CALN1: variants seen among roughly 807,000 people sequenced by gnomAD.
The protein encoded by CALN1 is calneuron 1, also known as calcium-binding protein 8.
Under a neutral mutation model 30.6 loss-of-function variants are expected in CALN1, and 17 were observed. That is an observed-to-expected ratio of 0.56 (90% CI 0.38 to 0.83). The LOEUF (loss-of-function observed/expected upper bound fraction) is 0.83, where lower values mean the gene tolerates loss of function less well. CALN1 is among the 40% of genes least tolerant of loss of function. The pLI, the probability that CALN1 is intolerant of heterozygous loss-of-function variation, is 0.00. For missense variants in CALN1, 291 were observed against 354.9 expected, an observed-to-expected ratio of 0.82 and a Z score of 1.45; for synonymous variants, 156 against 131.4, an observed-to-expected ratio of 1.19 and a Z score of -1.28.
chr7:72,045,229 G>A (rs1188360661), intron 4 of CALN1, among the ~76,000 whole-genome samples: 1 of 152,198 alleles, frequency 6.6e-6, no homozygotes, highest in Non-Finnish European at 1.5e-5. Context: ...CACCTGCCAG[G>A]AAAGGGTAGG....
chr7:72,411,466 T>C (rs1807142017), intron 1 of CALN1, among the ~76,000 whole-genome samples: 2 of 152,228 alleles, frequency 1.3e-5, no homozygotes, highest in Non-Finnish European at 2.9e-5. Context: ...TGAAATCTAG[T>C]TTGAATAAAA....
intron 4 of CALN1, among the ~76,000 whole-genome samples, chr7:72,048,038 C>CTT (rs35051822): frequency 0.017 from 2,304 of 137,154 alleles, 47 homozygotes; most frequent in African/African-American, 0.046. Flanking sequence ...TCTTCTTCTT[C>CTT]TTCTTTTTTT....
At chr7:71,894,837 G>T (rs1367690265) in intron 5 of CALN1, among the ~76,000 whole-genome samples, 1 of 152,118 alleles carries the variant, frequency 6.6e-6, no homozygotes, top group African/African-American at 2.4e-5. Context: ...TCTTATTAAG[G>T]TTATTCCTGT....
intron 5 of CALN1, among the ~76,000 whole-genome samples, chr7:71,841,661 C>G (rs1434660570): frequency 6.6e-6 from 1 of 152,204 alleles, no homozygotes; most frequent in Non-Finnish European, 1.5e-5. Flanking sequence ...CTGTGGAATA[C>G]TATGCAGCCA....
chr7:72,018,833 TTTTA>T (rs140236224), intron 5 of CALN1, among the ~76,000 whole-genome samples: 21,567 of 151,556 alleles, frequency 0.14, 2,408 homozygotes, highest in East Asian at 0.33. Context: ...AAAAAAATTA[TTTTA>T]TTTATTTATT....
At chr7:71,923,179 G>C (rs796358357) in intron 5 of CALN1, among the ~76,000 whole-genome samples, 39 of 152,100 alleles carry the variant, frequency 2.6e-4, no homozygotes, top group African/African-American at 8.9e-4. Flanking sequence ...GCTTCAAAGT[G>C]GACTTTACAC....
chr7:72,249,354 C>T (rs1355160753), intron 3 of CALN1, among the ~76,000 whole-genome samples: 3 of 152,186 alleles, frequency 2.0e-5, no homozygotes, highest in African/African-American at 7.2e-5. Context: ...GCCAGGCAAG[C>T]ATTTCCACTC....
rs2129536593 is a variant in CALN1 at position 72,056,378 on chromosome 7, C to T, written c.389-32609G>A. Among the ~76,000 whole-genome samples the T allele has an allele frequency of 1.3e-5, 2 of 151,640 alleles. 1 individual carries two copies. Among genetic ancestry groups the T allele is most frequent in the South Asian group, 4.2e-4 (2 of 4,786 alleles). On this transcript the variant is annotated intron_variant, in intron 4 of 6. Transcript: ENST00000395275. ...TAAGTAGGAGATAAACAAAACAGGG[C>T]AATTCAGAAATAAGCCCTAGTAAAT...
In CALN1 at chr7:72,124,168, C is replaced by T. The variant is rs149642193; in HGVS notation, c.245-17874G>A. Among the ~76,000 whole-genome samples the T allele has an allele frequency of 9.2e-5, 14 of 152,182 alleles. No homozygotes were observed. In the East Asian group the frequency reaches 2.1e-3, roughly 23 times the overall value. Reference sequence around the variant, plus strand: ...GCTCAGAGTCCAGGAGGAAGCTGAGCGGCTCATGTCCGTGTGGATTTGGGG... The same window carrying T: ...GCTCAGAGTCCAGGAGGAAGCTGAGTGGCTCATGTCCGTGTGGATTTGGGG... On this transcript the variant is annotated intron_variant, in intron 3 of 6. Coordinates refer to ENST00000395275, the MANE Select transcript of CALN1 (RefSeq NM_031468.4).
intron 2 of CALN1, among the ~76,000 whole-genome samples, chr7:72,286,662 TC>T: frequency 6.6e-6 from 1 of 152,320 alleles, no homozygotes; most frequent in Non-Finnish European, 1.5e-5. Context: ...ACAGTTTTGT[TC>T]CCCTGTTAAA....
At chr7:72,057,229 G>A (rs1461722688) in intron 4 of CALN1, among the ~76,000 whole-genome samples, 1 of 152,112 alleles carries the variant, frequency 6.6e-6, no homozygotes, top group Non-Finnish European at 1.5e-5. Flanking sequence ...TTACAAGCTT[G>A]AGCCATGAAG....
intron 5 of CALN1, among the ~76,000 whole-genome samples, chr7:72,005,519 T>C (rs1258984739): frequency 2.0e-5 from 3 of 151,930 alleles, no homozygotes; most frequent in Non-Finnish European, 2.9e-5. Context: ...TAAATAGAGA[T>C]GGGGTTTCTG....
intron 3 of CALN1, among the ~76,000 whole-genome samples, chr7:72,256,724 A>T (rs895937964): frequency 2.0e-5 from 3 of 152,046 alleles, no homozygotes; most frequent in Admixed American, 2.0e-4. Flanking sequence ...CTCCTGCCTC[A>T]GCCTTCCAAA....
chr7:71,937,673 T>A (rs1257118939), intron 5 of CALN1, among the ~76,000 whole-genome samples: 1 of 151,864 alleles, frequency 6.6e-6, no homozygotes, highest in Non-Finnish European at 1.5e-5. Flanking sequence ...AGAGATAGGG[T>A]CTCGCTGTGT....
intron 5 of CALN1, among the ~76,000 whole-genome samples, chr7:71,902,907 A>G (rs1184521800): frequency 6.6e-6 from 1 of 152,144 alleles, no homozygotes; most frequent in Admixed American, 6.5e-5. Context: ...GTTCTAATTT[A>G]TAAGAGCTAA....
chr7:72,076,204 G>A (rs934057213), intron 4 of CALN1, among the ~76,000 whole-genome samples: 6 of 151,890 alleles, frequency 4.0e-5, no homozygotes, highest in Admixed American at 3.9e-4. Flanking sequence ...CCTAGATCAT[G>A]GGTTGATAGG....
chr7:72,083,630 A>G (rs1159407100), intron 4 of CALN1, among the ~76,000 whole-genome samples: 1 of 152,122 alleles, frequency 6.6e-6, no homozygotes, highest in Non-Finnish European at 1.5e-5. Flanking sequence ...GGAATAAAAA[A>G]TACATATAGG....
At chr7:72,253,905 T>A (rs1795735991) in intron 3 of CALN1, among the ~76,000 whole-genome samples, 1 of 152,140 alleles carries the variant, frequency 6.6e-6, no homozygotes, top group South Asian at 2.1e-4. Flanking sequence ...CACACCTGGT[T>A]AATTTTTATA....
At chr7:72,498,571 C>T in the CALN1 span, among the ~76,000 whole-genome samples, 1 of 152,134 alleles carries the variant, frequency 6.6e-6, no homozygotes, top group East Asian at 1.9e-4. Flanking sequence ...AGTTTATGTC[C>T]AGTAAAACTA....
Sources: allele counts gnomAD v4.1 joint callset (sites outside exome capture counted in the v4.1 genomes callset), GRCh38; gene constraint gnomAD v4.1.1; transcripts MANE v1.5; gene names NCBI Gene and HGNC (gene_info 2026-07-23, HGNC 2026-07-21).